The following CNRIP1 variants were observed in gnomAD, a reference collection of about 807,000 sequenced individuals.
CNRIP1 encodes cannabinoid receptor interacting protein 1, also known as CB1 cannabinoid receptor-interacting protein 1.
Under a neutral mutation model 15.2 loss-of-function variants are expected in CNRIP1, and 10 were observed. The ratio of observed to expected loss-of-function variants is 0.66; its 90% CI spans 0.41 to 1.12. The LOEUF is 1.12. CNRIP1 is among the 50% of genes most tolerant of loss of function. CNRIP1 has a pLI of 0.00. For missense variants in CNRIP1, 211 were observed against 214.7 expected (o/e 0.98, Z 0.11); for synonymous variants, 91 against 83.2 (o/e 1.09, Z -0.51).
intron 2 of CNRIP1, among the ~76,000 whole-genome samples, chr2:68,295,864 TTAAGA>T (rs1671337279): frequency 1.3e-5 from 2 of 152,340 alleles, no homozygotes; most frequent in Non-Finnish European, 2.9e-5. Flanking sequence ...AACTGTATGC[TTAAGA>T]TGAGTCCATT....
chr2:68,311,562 C>T (rs1672074209), intron 2 of CNRIP1, among the ~76,000 whole-genome samples: 1 of 151,778 alleles, frequency 6.6e-6, no homozygotes, highest in South Asian at 2.1e-4. Flanking sequence ...TCTTGTGAGG[C>T]CAGGAGTTCG....
rs778926522 is a variant in CNRIP1 at position 68,319,208 on chromosome 2, C to T, written c.179+14G>A. 6.5e-7 allele frequency: 1 copy of T among 1,533,564 alleles called. No individual in the cohort carries two copies. Among genetic ancestry groups the T allele is most frequent in the South Asian group, 1.2e-5 (1 of 82,486 alleles). The allele number at this position is 1,533,564 out of a possible 1,614,324, so 95.0% of individuals were successfully genotyped here. ...CATGGGGGACCCTGCTGCCACCAGG[C>T]GCCCCGCACTCACTCGACCTGCAGC... On this transcript the variant is annotated intron_variant, in intron 1 of 2. Coordinates refer to ENST00000263655, the MANE Select transcript of CNRIP1 (RefSeq NM_015463.3).
intron 2 of CNRIP1, among the ~76,000 whole-genome samples, chr2:68,304,653 C>T (rs1238097250): frequency 6.7e-6 from 1 of 148,750 alleles, no homozygotes; most frequent in South Asian, 2.1e-4. Context: ...GACAGAGTCT[C>T]GCTCTGTCAC....
intron 2 of CNRIP1, chr2:68,315,886 C>T (rs1028048331): frequency 6.6e-6 from 1 of 152,102 alleles, no homozygotes; most frequent in Non-Finnish European, 1.5e-5. Flanking sequence ...CTATGTTGCC[C>T]AGGCTCACAC....
exon 3 of CNRIP1, chr2:68,284,346 T>G (rs1162800195): frequency 1.2e-6 from 1 of 855,384 alleles, no homozygotes; most frequent in African/African-American, 1.8e-5. Flanking sequence ...TGAGAAGCCC[T>G]CCCCTAGAAT....
At chr2:68,286,781 A>G (rs1436019697) in intron 2 of CNRIP1, among the ~76,000 whole-genome samples, 1 of 152,162 alleles carries the variant, frequency 6.6e-6, no homozygotes, top group Non-Finnish European at 1.5e-5. Context: ...TTGAAGTCAT[A>G]CTGATTTGGA....
At chr2:68,308,474 TTA>T (rs1171501109) in intron 2 of CNRIP1, among the ~76,000 whole-genome samples, 1 of 152,146 alleles carries the variant, frequency 6.6e-6, no homozygotes, top group Non-Finnish European at 1.5e-5. Context: ...TTATTTTTCT[TTA>T]TGATTTCTAT....
chr2:68,290,646 A>G (rs1671144396), downstream of CNRIP1, among the ~76,000 whole-genome samples: 1 of 152,210 alleles, frequency 6.6e-6, no homozygotes, highest in South Asian at 2.1e-4. Flanking sequence ...AGAGTCAGAA[A>G]CCAGATCACC....
chr2:68,308,371 A>C (rs2103670137), intron 2 of CNRIP1, among the ~76,000 whole-genome samples: 1 of 152,274 alleles, frequency 6.6e-6, no homozygotes, highest in East Asian at 1.9e-4. Context: ...TTTCTGTTGA[A>C]GATTGGTATT....
chr2:68,318,255 CG>C (rs1380555310), intron 1 of CNRIP1, among the ~76,000 whole-genome samples: 2 of 152,106 alleles, frequency 1.3e-5, no homozygotes, highest in Non-Finnish European at 2.9e-5. Flanking sequence ...TGAATTAAAA[CG>C]TAAGCTATAA....
intron 2 of CNRIP1, among the ~76,000 whole-genome samples, chr2:68,295,768 AC>A (rs1160503895): frequency 1.3e-5 from 2 of 152,168 alleles, no homozygotes; most frequent in African/African-American, 4.8e-5. Context: ...GCAAGAGGGA[AC>A]TTTTTAGGGG....
At chr2:68,287,758 G>A (rs987020732) in intron 2 of CNRIP1, among the ~76,000 whole-genome samples, 1 of 152,258 alleles carries the variant, frequency 6.6e-6, no homozygotes, top group African/African-American at 2.4e-5. Context: ...CCCAGGCCAT[G>A]GAGGTCAGAT....
Position 68,304,626 on chromosome 2 carries a change from C to CTTTTTT in CNRIP1, c.331-10606_331-10601dup, listed in dbSNP as rs11292248. Among the ~76,000 whole-genome samples, 121 of 137,002 alleles carry CTTTTTT rather than the reference C, an allele frequency of 8.8e-4. 1 individual carries two copies. Among genetic ancestry groups the CTTTTTT allele is most frequent in the African/African-American group, 3.2e-3 (117 of 36,334 alleles). 89.9% of individuals were successfully genotyped at this position (137,002 alleles called of 152,430 possible). A position where few individuals can be genotyped will look rare whatever the true frequency, so the allele number is the denominator to read the frequency against. On this transcript the variant is annotated intron_variant, in intron 2 of 2. Coordinates refer to ENST00000263655, the MANE Select transcript of CNRIP1 (RefSeq NM_015463.3). The stretch of plus-strand genomic sequence containing the variant: ...GTTTGAGCACTGGTCATCTGGTTGT[C>CTTTTTT]TTTTTTTTTTTTTTGAGACAGAGTC...
chr2:68,303,378 T>G (rs978363144), intron 2 of CNRIP1, among the ~76,000 whole-genome samples: 1 of 152,178 alleles, frequency 6.6e-6, no homozygotes, highest in East Asian at 1.9e-4. Context: ...TAAATGAGAC[T>G]GTTTCCTCTC....
intron 2 of CNRIP1, chr2:68,315,900 T>C (rs986467822): frequency 6.6e-6 from 1 of 152,270 alleles, no homozygotes; most frequent in African/African-American, 2.4e-5. Flanking sequence ...CTCACACATA[T>C]ATATTCAAAG....
exon 3 of CNRIP1, chr2:68,284,374 G>GAAAAAAAA (rs5831925): frequency 1.1e-6 from 1 of 934,536 alleles, no homozygotes. Context: ...AAATAATTTG[G>GAAAAAAAA]AAAAAAAAAA....
chr2:68,304,963 G>C (rs1350368837), intron 2 of CNRIP1, among the ~76,000 whole-genome samples: 1 of 152,058 alleles, frequency 6.6e-6, no homozygotes, highest in African/African-American at 2.4e-5. Context: ...ATAGACACTG[G>C]GCCGGGTGCA....
At chr2:68,295,418 C>T (rs1036634939) in intron 2 of CNRIP1, among the ~76,000 whole-genome samples, 2 of 152,172 alleles carry the variant, frequency 1.3e-5, no homozygotes, top group African/African-American at 4.8e-5. Flanking sequence ...AAGTGGATTA[C>T]CTCTTTTTAG....
chr2:68,305,744 C>A (rs539875584), intron 2 of CNRIP1, among the ~76,000 whole-genome samples: 1 of 146,856 alleles, frequency 6.8e-6, no homozygotes, highest in African/African-American at 2.5e-5. Context: ...TGCAGTAAGC[C>A]GAGATGGCAC....
Sources: gnomAD v4.1 joint callset for allele counts (sites outside exome capture counted in the v4.1 genomes callset) on GRCh38, gnomAD v4.1.1 for gene constraint, MANE v1.5 for transcripts, NCBI Gene and HGNC (gene_info 2026-07-23, HGNC 2026-07-21) for gene names.